MAP3K13: variants seen among roughly 807,000 people sequenced by gnomAD.
MAP3K13 encodes mitogen-activated protein kinase kinase kinase 13.
Under a neutral mutation model 104.0 loss-of-function variants are expected in MAP3K13, and 52 were observed. The ratio of observed to expected loss-of-function variants is 0.50; its 90% CI spans 0.40 to 0.63. The LOEUF is 0.63. MAP3K13 is among the 20% of genes least tolerant of loss of function. The pLI is 0.00. For synonymous variants in MAP3K13, 394 were observed against 442.2 expected (o/e 0.89, Z 1.37); for missense variants, 914 against 1,218.5 (o/e 0.75, Z 3.72).
At chr3:185,291,909 A>C (rs1720754814) in intron 2 of MAP3K13, 1 of 1,158,620 alleles carries the variant, frequency 8.6e-7, no homozygotes, top group Non-Finnish European at 1.1e-6. Context: ...TTTCCAAAAA[A>C]AAAAAAAAAA....
intron 1 of MAP3K13, among the ~76,000 whole-genome samples, chr3:185,387,399 C>T (rs995537321): frequency 3.3e-5 from 5 of 152,102 alleles, no homozygotes; most frequent in African/African-American, 9.7e-5. Flanking sequence ...AGTTGGCTTC[C>T]CTTTGCTTTC....
At chr3:185,293,934 CTATT>C (rs1309721570) in intron 2 of MAP3K13, among the ~76,000 whole-genome samples, 1 of 152,132 alleles carries the variant, frequency 6.6e-6, no homozygotes, top group Admixed American at 6.5e-5. Context: ...ATTTTAATAT[CTATT>C]CTGATAATAG....
chr3:185,306,458 T>G (rs1721290694), intron 2 of MAP3K13, among the ~76,000 whole-genome samples: 1 of 152,252 alleles, frequency 6.6e-6, no homozygotes, highest in African/African-American at 2.4e-5. Context: ...TTTTGACTTT[T>G]TTGTAATAGT....
chr3:185,400,905 G>GTTTTTTTTTTTTTTTTTTTTT (rs71164506), intron 1 of MAP3K13, among the ~76,000 whole-genome samples: 5 of 107,278 alleles, frequency 4.7e-5, no homozygotes, highest in Middle Eastern at 5.4e-3. Flanking sequence ...GTGTTTGTTT[G>GTTTTTTTTTTTTTTTTTTTTT]TTTTTTTTTT....
chr3:185,300,474 C>T lies in MAP3K13; in HGVS notation c.-86+14831C>T, dbSNP rs1425206371. Among the ~76,000 whole-genome samples the T allele has an allele frequency of 2.8e-5, 4 of 141,996 alleles. No individual in the cohort carries two copies. In the East Asian group the frequency reaches 8.6e-4, roughly 31 times the overall value. The allele number at this position is 141,996 out of a possible 152,430, so 93.2% of individuals were successfully genotyped here. A position where few individuals can be genotyped will look rare whatever the true frequency, so the allele number is the denominator to read the frequency against. On this transcript the variant is annotated intron_variant, in intron 2 of 14. Transcript: ENST00000424227. ...CAGGCGTGAGCCACCACGCCCGGCC[C>T]TATTTCCTTATTTTTTTTTTCTTTT... is the stretch of plus-strand genomic sequence containing the variant.
At chr3:185,467,381 C>A (rs1717504939) in intron 10 of MAP3K13, among the ~76,000 whole-genome samples, 2 of 152,194 alleles carry the variant, frequency 1.3e-5, no homozygotes, top group South Asian at 4.1e-4. Context: ...TGATTTACAA[C>A]ACAATAGACC....
chr3:185,378,492 C>T (rs1019915155), intron 1 of MAP3K13, among the ~76,000 whole-genome samples: 9 of 151,998 alleles, frequency 5.9e-5, no homozygotes, highest in South Asian at 2.1e-4. Context: ...GGGCTAGTCA[C>T]GGAATGAAAC....
At chr3:185,478,530 C>T (rs1718259393) in intron 12 of MAP3K13, among the ~76,000 whole-genome samples, 2 of 152,090 alleles carry the variant, frequency 1.3e-5, no homozygotes, top group African/African-American at 2.4e-5. Flanking sequence ...GCCCCCCTGA[C>T]CCCCAACCAA....
At chr3:185,475,983 G>T (rs1718100352) in intron 11 of MAP3K13, among the ~76,000 whole-genome samples, 1 of 152,068 alleles carries the variant, frequency 6.6e-6, no homozygotes, top group South Asian at 2.1e-4. Context: ...GATATAATTT[G>T]CATACCATAC....
chr3:185,334,040 T>A (rs565628611), intron 2 of MAP3K13, among the ~76,000 whole-genome samples: 3 of 151,842 alleles, frequency 2.0e-5, no homozygotes, highest in Non-Finnish European at 4.4e-5. Context: ...GGTGACAGAG[T>A]GAGACCCTGT....
chr3:185,428,952 G>A lies in MAP3K13; in HGVS notation c.371G>A (p.Gly124Asp), dbSNP rs2108802459. ...EDIKIQFSRSGSGSGGFLEGL... is the reference protein window; with the variant it reads ...EDIKIQFSRSDSGSGGFLEGL... Reference sequence around the variant, plus strand: ...ATAAAGATTCAGTTCAGCAGGTCAGGCAGTGGCAGTGGTGGGTTTCTTGAA... The same window carrying A: ...ATAAAGATTCAGTTCAGCAGGTCAGACAGTGGCAGTGGTGGGTTTCTTGAA... The change falls in exon 2 of 14, where the codon GGC becomes GAC. Residue 124 changes from glycine to aspartate, a missense_variant. Gly to Asp is a moderately conservative substitution (Grantham distance 94). This residue lies in a region of MAP3K13 where 156 missense variants were observed against 159.8 expected (regional missense o/e 0.98). Coordinates refer to ENST00000265026, the MANE Select transcript of MAP3K13 (RefSeq NM_004721.5). The A allele has an allele frequency of 1.2e-6, 2 of 1,614,202 alleles. No homozygotes were observed. Among genetic ancestry groups the A allele is most frequent in the South Asian group, 2.2e-5 (2 of 91,080 alleles).
At chr3:185,285,744 CTCTT>C (rs747913130) in intron 2 of MAP3K13, 6 of 1,002,514 alleles carry the variant, frequency 6.0e-6, no homozygotes, top group Non-Finnish European at 7.4e-6. Context: ...AGTTCTTAAT[CTCTT>C]TATGTTTTAA....
intron 2 of MAP3K13, among the ~76,000 whole-genome samples, chr3:185,344,087 C>T (rs1722824332): frequency 6.6e-6 from 1 of 152,212 alleles, no homozygotes; most frequent in East Asian, 1.9e-4. Context: ...GTTTCCCATA[C>T]ACAAGGCCCT....
chr3:185,455,187 A>G (rs1339079035), intron 7 of MAP3K13, among the ~76,000 whole-genome samples: 2 of 99,468 alleles, frequency 2.0e-5, no homozygotes, highest in African/African-American at 7.0e-5. Flanking sequence ...TATGATATAT[A>G]TGAGATATAT....
rs774064294 is a variant in MAP3K13, at chr3:185,473,551, T to C, written c.2220T>C (p.Tyr740=). Residue 740 remains tyrosine, a synonymous_variant, in exon 11 of 14, where the codon TAT becomes TAC. Transcript: ENST00000265026. This position sits in a 1 kb window ranked among gnomAD's most constrained non-coding sequence, Gnocchi z 4.9. ...GCCTTCAGTGCAGGCCAGAACAGTA[T>C]GGGTCCTTAGACATACCCTCTGCTG... is the stretch of plus-strand genomic sequence containing the variant. ...DPCLQCRPEQ[Y]GSLDIPSAEP... The C allele has an allele frequency of 1.2e-6, 2 of 1,614,186 alleles. No homozygotes were observed. The highest frequency in any genetic ancestry group is 1.7e-6 in the Non-Finnish European group (2 of 1,180,036).
At position 185,463,742 on chromosome 3, in the gene MAP3K13, C is replaced by T. The variant is rs111616527; in HGVS notation, c.1388+83C>T. On this transcript the variant is annotated intron_variant, in intron 8 of 13. Coordinates refer to ENST00000265026, the MANE Select transcript of MAP3K13 (RefSeq NM_004721.5). ...GGCACCCTTATCATAACCACCATTTCACTTTCCACACACCTTTCACCTCTG... is the reference window on the plus strand; with the variant it reads ...GGCACCCTTATCATAACCACCATTTTACTTTCCACACACCTTTCACCTCTG... 1.1e-3 allele frequency: 838 copies of T among 754,410 alleles called. 3 individuals carry two copies. The highest frequency in any genetic ancestry group is 0.011 in the African/African-American group (615 of 58,128). 46.7% of individuals were successfully genotyped at this position (754,410 alleles called of 1,614,324 possible). A position where few individuals can be genotyped will look rare whatever the true frequency, so the allele number is the denominator to read the frequency against.
chr3:185,432,315 C>T (rs535374071), intron 2 of MAP3K13, among the ~76,000 whole-genome samples: 2 of 151,334 alleles, frequency 1.3e-5, no homozygotes, highest in East Asian at 2.0e-4. Context: ...CTCAGCCTCC[C>T]GAGTAGCTGG....
At chr3:185,291,553 C>A in intron 2 of MAP3K13, 3 of 1,428,336 alleles carry the variant, frequency 2.1e-6, no homozygotes, top group East Asian at 2.5e-5. Context: ...TTTTTAATTT[C>A]CCTTAAAAAA....
intron 2 of MAP3K13, among the ~76,000 whole-genome samples, chr3:185,431,079 G>A (rs563456092): frequency 2.4e-4 from 36 of 152,240 alleles, no homozygotes; most frequent in African/African-American, 7.0e-4. Context: ...ACCAGATCTC[G>A]TGAGCACTCA....
Sources: allele counts gnomAD v4.1 joint callset (sites outside exome capture counted in the v4.1 genomes callset), GRCh38; gene constraint gnomAD v4.1.1; regional missense constraint gnomAD v4.1.1; non-coding constraint Gnocchi (gnomAD v3.1); transcripts MANE v1.5; gene names NCBI Gene and HGNC (gene_info 2026-07-23, HGNC 2026-07-21).